Variants in CHODL observed in about 807,000 individuals in gnomAD.
CHODL encodes chondrolectin.
CHODL carries 29 observed loss-of-function variants against 34.5 expected under a neutral mutation model. That is an observed-to-expected ratio of 0.84 (90% CI 0.63 to 1.15). CHODL has a LOEUF of 1.15. CHODL is among the 50% of genes most tolerant of loss of function. The probability of loss-of-function intolerance (pLI) is 0.00; values close to 1 mark genes in which losing one functional copy is unlikely to be tolerated. For missense variants in CHODL, 332 were observed against 332.5 expected (o/e 1.00, Z 0.01); for synonymous variants, 125 against 116.1 (o/e 1.08, Z -0.49).
chr21:17,991,658 A>ATTTTTTTTTT (rs35600353), intron 1 of CHODL, among the ~76,000 whole-genome samples: 2 of 128,408 alleles, frequency 1.6e-5, no homozygotes, highest in Admixed American at 7.7e-5. Context: ...AGATTATTTG[A>ATTTTTTTTTT]TTTTTTTTTT....
At chr21:18,108,358 A>G (rs2065301685) in intron 2 of CHODL, among the ~76,000 whole-genome samples, 1 of 152,202 alleles carries the variant, frequency 6.6e-6, no homozygotes, top group South Asian at 2.1e-4. Context: ...GTCTTACTAT[A>G]TGCTAGAAAT....
At chr21:17,938,018 C>A (rs1301321830) in intron 1 of CHODL, among the ~76,000 whole-genome samples, 2 of 152,188 alleles carry the variant, frequency 1.3e-5, no homozygotes, top group East Asian at 3.8e-4. Flanking sequence ...TGGTATTGGG[C>A]AAGTTCCCCT....
chr21:18,258,710 G>A (rs556820236), intron 3 of CHODL, among the ~76,000 whole-genome samples: 43 of 151,632 alleles, frequency 2.8e-4, no homozygotes, highest in African/African-American at 7.2e-4. Context: ...GCACATTCAC[G>A]GGTTTACTGT....
chr21:17,936,489 A>T lies in CHODL; in HGVS notation c.-145+19089A>T, dbSNP rs181717029. Among the ~76,000 whole-genome samples the T allele has an allele frequency of 4.5e-3, 684 of 152,022 alleles. 8 individuals carry two copies. Among genetic ancestry groups the T allele is most frequent in the African/African-American group, 0.016 (644 of 41,510 alleles). On this transcript the variant is annotated intron_variant, in intron 1 of 6. Transcript: ENST00000400127. ...TAAAAAAAAAAAAAAGAATCATCAGAAAGAGTCCATTTGGAAAATGTGGTA... is the reference window on the plus strand; with the variant it reads ...TAAAAAAAAAAAAAAGAATCATCAGTAAGAGTCCATTTGGAAAATGTGGTA...
intron 1 of CHODL, among the ~76,000 whole-genome samples, chr21:17,937,038 T>C (rs1302582934): frequency 7.0e-6 from 1 of 142,068 alleles, no homozygotes; most frequent in African/African-American, 2.6e-5. Context: ...CCTGAGATTG[T>C]GCCATTGCAC....
chr21:18,103,279 T>TA (rs913886592), intron 2 of CHODL, among the ~76,000 whole-genome samples: 19 of 152,308 alleles, frequency 1.2e-4, no homozygotes, highest in African/African-American at 4.3e-4. Flanking sequence ...CTTTGTCATT[T>TA]AAAAAATAGT....
In CHODL at chr21:17,962,760, T is replaced by C. The variant is rs145450967; in HGVS notation, c.-145+45360T>C. On this transcript the variant is annotated intron_variant, in intron 1 of 6. Coordinates refer to the CHODL transcript ENST00000400127. ...GAATGGTTAATACATCTAGTGAGAATTATTAAGAAGTAATACTTCCAGGCC... is the reference window on the plus strand; with the variant it reads ...GAATGGTTAATACATCTAGTGAGAACTATTAAGAAGTAATACTTCCAGGCC... Among the ~76,000 whole-genome samples the C allele has an allele frequency of 1.7e-4, 26 of 152,240 alleles. No homozygotes were observed. In the East Asian group the frequency reaches 5.0e-3, roughly 29 times the overall value.
At chr21:17,975,195 T>A (rs952868694) in intron 1 of CHODL, among the ~76,000 whole-genome samples, 8 of 151,970 alleles carry the variant, frequency 5.3e-5, no homozygotes, top group African/African-American at 9.7e-5. Flanking sequence ...GAGGCCATTG[T>A]CCTAAGCAAA....
intron 2 of CHODL, among the ~76,000 whole-genome samples, chr21:18,208,183 T>TG (rs2073734449): frequency 6.6e-6 from 1 of 150,648 alleles, no homozygotes; most frequent in African/African-American, 2.5e-5. Flanking sequence ...TTTTTTTTTT[T>TG]GGTCTGCTCT....
intron 1 of CHODL, among the ~76,000 whole-genome samples, chr21:17,954,791 A>G (rs928036282): frequency 7.5e-6 from 1 of 132,486 alleles, no homozygotes; most frequent in African/African-American, 2.6e-5. Flanking sequence ...TCATAAGCCA[A>G]TTCCTCCAAT....
intron 1 of CHODL, among the ~76,000 whole-genome samples, chr21:18,246,124 G>T (rs1400654362): frequency 4.6e-5 from 7 of 152,010 alleles, no homozygotes; most frequent in Admixed American, 4.6e-4. Flanking sequence ...TTTTTGGGAC[G>T]GTCTCTTCAA....
chr21:18,179,612 T>C (rs1212718373), intron 2 of CHODL, among the ~76,000 whole-genome samples: 1 of 152,192 alleles, frequency 6.6e-6, no homozygotes, highest in African/African-American at 2.4e-5. Context: ...ATTCTCCTGT[T>C]CTTGTTGGTA....
chr21:18,085,436 T>A (rs1026385689), intron 2 of CHODL, among the ~76,000 whole-genome samples: 1 of 152,180 alleles, frequency 6.6e-6, no homozygotes, highest in Non-Finnish European at 1.5e-5. Flanking sequence ...CTTCTTTGTG[T>A]GATTGTATTA....
chr21:18,085,197 T>C (rs973392942), intron 2 of CHODL, among the ~76,000 whole-genome samples: 2 of 152,168 alleles, frequency 1.3e-5, no homozygotes, highest in East Asian at 3.8e-4. Flanking sequence ...GTAAATTTCT[T>C]GTAGGCAGCA....
chr21:18,084,628 G>A (rs2064980941), intron 2 of CHODL, among the ~76,000 whole-genome samples: 1 of 152,036 alleles, frequency 6.6e-6, no homozygotes, highest in Non-Finnish European at 1.5e-5. Flanking sequence ...GGTCTGAGAA[G>A]ATATTTGATA....
chr21:18,245,451 T>A, intron 1 of CHODL, 149 bp downstream of exon 1: 1 of 637,146 alleles, frequency 1.6e-6, no homozygotes. Flanking sequence ...AAATTGATTG[T>A]GCTGTTCTCC....
chr21:17,959,649 C>A (rs984816565), intron 1 of CHODL, among the ~76,000 whole-genome samples: 1 of 152,160 alleles, frequency 6.6e-6, no homozygotes, highest in Non-Finnish European at 1.5e-5. Flanking sequence ...ATCTAGCTTG[C>A]TCCTAGGAAA....
At chr21:17,959,814 A>T (rs933718545) in intron 1 of CHODL, among the ~76,000 whole-genome samples, 1 of 152,184 alleles carries the variant, frequency 6.6e-6, no homozygotes, top group African/African-American at 2.4e-5. Flanking sequence ...GTTACTTTAA[A>T]ATGTTAAATT....
chr21:17,935,631 A>G (rs1228109698), intron 1 of CHODL, among the ~76,000 whole-genome samples: 1 of 152,250 alleles, frequency 6.6e-6, no homozygotes, highest in Non-Finnish European at 1.5e-5. Context: ...TGGATAAATT[A>G]GATATATAGA....
Sources: allele counts gnomAD v4.1 joint callset (sites outside exome capture counted in the v4.1 genomes callset), GRCh38; gene constraint gnomAD v4.1.1; transcripts MANE v1.5; gene names NCBI Gene and HGNC (gene_info 2026-07-23, HGNC 2026-07-21).